SAMD4A: variants seen among roughly 807,000 people sequenced by gnomAD.
SAMD4A encodes protein Smaug homolog 1.
In SAMD4A, 33 loss-of-function variants were observed where a neutral mutation model predicts 81.3. The ratio of observed to expected loss-of-function variants is 0.41; its 90% CI spans 0.31 to 0.54. The LOEUF (loss-of-function observed/expected upper bound fraction) is 0.54, where lower values mean the gene tolerates loss of function less well. Among genes scored for constraint, SAMD4A ranks in the 20% least tolerant of loss-of-function variants. The pLI, the probability that SAMD4A is intolerant of heterozygous loss-of-function variation, is 0.37. For missense variants in SAMD4A, 854 were observed against 951.1 expected, an observed-to-expected ratio of 0.90 and a Z score of 1.34; for synonymous variants, 389 against 382.1, an observed-to-expected ratio of 1.02 and a Z score of -0.21.
chr14:54,711,748 G>T (rs2036994321), intron 3 of SAMD4A, among the ~76,000 whole-genome samples: 1 of 151,944 alleles, frequency 6.6e-6, no homozygotes, highest in South Asian at 2.1e-4. Context: ...TGGCTGCTAG[G>T]CCTCATAGAG....
chr14:54,727,166 CTTTTTTTTTTTTTTTTTTTTTTTTTTTT>C (rs567831973), intron 3 of SAMD4A, among the ~76,000 whole-genome samples: 77 of 59,186 alleles, frequency 1.3e-3, no homozygotes, highest in African/African-American at 3.8e-3. Flanking sequence ...TCTTTTTTTC[CTTTTTTTTTTTTTTTTTTTTTTTTTTTT>C]TTTTTTTTTT....
chr14:54,766,115 C>A (rs2038535273), intron 8 of SAMD4A, among the ~76,000 whole-genome samples: 1 of 152,114 alleles, frequency 6.6e-6, no homozygotes, highest in African/African-American at 2.4e-5. Flanking sequence ...TTCCCTAGAG[C>A]ACCCAGGCAT....
chr14:54,710,634 C>T lies in SAMD4A; in HGVS notation c.715+8054C>T, dbSNP rs539071165. Reference sequence around the variant, plus strand: ...GACCCTGGATTTGGCCCCATACAGACCCTCCAGCTTCCGTGGTCTCCACAG... The same window carrying T: ...GACCCTGGATTTGGCCCCATACAGATCCTCCAGCTTCCGTGGTCTCCACAG... On this transcript the variant is annotated intron_variant, in intron 3 of 12. Coordinates refer to ENST00000554335, the MANE Select transcript of SAMD4A (RefSeq NM_015589.6). Among the ~76,000 whole-genome samples the T allele has an allele frequency of 1.1e-4, 16 of 152,256 alleles. No homozygotes were observed. In the South Asian group the frequency reaches 1.5e-3, roughly 14 times the overall value.
At position 54,685,277 on chromosome 14, in the gene SAMD4A, C is replaced by CT. The variant is rs1555343088; in HGVS notation, c.197-16785_197-16784insT. On this transcript the variant is annotated intron_variant, in intron 2 of 12. Transcript: ENST00000554335. ...ACAATAACTCCCCATTCTTCCTGCCCCCCCCCCCAGCTCCTGGCAGCCACC... is the reference window on the plus strand; with the variant it reads ...ACAATAACTCCCCATTCTTCCTGCCCTCCCCCCCCAGCTCCTGGCAGCCACC... 1.9e-3 allele frequency among the ~76,000 whole-genome samples: 286 copies of CT among 147,170 alleles called. 8 individuals are homozygous for CT. In the South Asian group the frequency reaches 0.035, roughly 18 times the overall value.
At chr14:54,719,529 T>G (rs1244032969) in intron 3 of SAMD4A, among the ~76,000 whole-genome samples, 8 of 152,140 alleles carry the variant, frequency 5.3e-5, no homozygotes, top group Non-Finnish European at 1.2e-4. Flanking sequence ...AACATTCCCT[T>G]CTTTGTGACA....
intron 7 of SAMD4A, among the ~76,000 whole-genome samples, chr14:54,763,576 G>A (rs949668383): frequency 2.0e-5 from 3 of 152,152 alleles, no homozygotes; most frequent in Non-Finnish European, 4.4e-5. Flanking sequence ...AGAAATAAAT[G>A]GGATTGTGTG....
intron 2 of SAMD4A, among the ~76,000 whole-genome samples, chr14:54,699,567 A>G (rs1022389185): frequency 1.3e-5 from 2 of 152,216 alleles, no homozygotes; most frequent in Non-Finnish European, 2.9e-5. Context: ...CTTTTAAAAG[A>G]TTTTTAAGAC....
chr14:54,668,497 T>C (rs2035802198), intron 2 of SAMD4A, among the ~76,000 whole-genome samples: 1 of 152,222 alleles, frequency 6.6e-6, no homozygotes, highest in African/African-American at 2.4e-5. Context: ...AATGACAGTA[T>C]TGGGACCAGC....
At chr14:54,643,246 C>A (rs1207787504) in intron 2 of SAMD4A, among the ~76,000 whole-genome samples, 1 of 152,172 alleles carries the variant, frequency 6.6e-6, no homozygotes, top group Non-Finnish European at 1.5e-5. Flanking sequence ...AAGCATACAC[C>A]TTTCCAAATG....
chr14:54,611,351 C>T (rs1283923022), intron 2 of SAMD4A, among the ~76,000 whole-genome samples: 1 of 152,168 alleles, frequency 6.6e-6, no homozygotes. Flanking sequence ...ATGAGCAACA[C>T]TCAGGACACC....
At chr14:54,755,184 A>G (rs2038206172) in intron 6 of SAMD4A, among the ~76,000 whole-genome samples, 1 of 152,138 alleles carries the variant, frequency 6.6e-6, no homozygotes, top group Non-Finnish European at 1.5e-5. Context: ...GATCATTTAG[A>G]GGGAGTCTGG....
At chr14:54,605,728 T>C (rs894324094) in intron 2 of SAMD4A, among the ~76,000 whole-genome samples, 3 of 152,166 alleles carry the variant, frequency 2.0e-5, no homozygotes, top group African/African-American at 7.2e-5. Flanking sequence ...TTGTAATTAA[T>C]GTTGTCATAA....
chr14:54,579,507 T>A (rs960833239), intron 2 of SAMD4A, among the ~76,000 whole-genome samples: 1 of 152,244 alleles, frequency 6.6e-6, no homozygotes, highest in Non-Finnish European at 1.5e-5. Flanking sequence ...AAAACATGTA[T>A]TTTTAATGGT....
At chr14:54,742,669 A>G (rs1004814479) in intron 4 of SAMD4A, among the ~76,000 whole-genome samples, 1 of 152,158 alleles carries the variant, frequency 6.6e-6, no homozygotes, top group African/African-American at 2.4e-5. Flanking sequence ...TCTTGCTGCG[A>G]GCTTCAGCCT....
At chr14:54,640,170 T>C (rs1254045937) in intron 2 of SAMD4A, among the ~76,000 whole-genome samples, 1 of 152,150 alleles carries the variant, frequency 6.6e-6, no homozygotes, top group Non-Finnish European at 1.5e-5. Context: ...ACCAGGCCTT[T>C]ACTCTTTCCC....
intron 2 of SAMD4A, among the ~76,000 whole-genome samples, chr14:54,622,332 C>T (rs17127675): frequency 0.028 from 4,211 of 152,154 alleles, 192 homozygotes; most frequent in African/African-American, 0.097. Flanking sequence ...AACCAGGCAA[C>T]GAATGGAGGG....
At chr14:54,776,628 C>A in intron 11 of SAMD4A, 88 bp downstream of exon 11, 1 of 1,338,072 alleles carries the variant, frequency 7.5e-7, no homozygotes, top group African/African-American at 1.5e-5. Flanking sequence ...TGCTTAGCCT[C>A]GACTGTCACC....
At chr14:54,702,780 T>G (rs757835013) in intron 3 of SAMD4A, 200 bp downstream of exon 3, 14 of 617,034 alleles carry the variant, frequency 2.3e-5, no homozygotes, top group Non-Finnish European at 3.0e-5. Context: ...CTTGGGAAGG[T>G]AAAAGTGACT....
chr14:54,567,041 G>T, upstream of SAMD4A: 1 of 152,668 alleles, frequency 6.6e-6, no homozygotes, highest in Non-Finnish European at 1.5e-5. Context: ...GGAGGAGGAG[G>T]AGTAAGAGGA....
Sources: allele counts gnomAD v4.1 joint callset (sites outside exome capture counted in the v4.1 genomes callset), GRCh38; gene constraint gnomAD v4.1.1; transcripts MANE v1.5; gene names NCBI Gene and HGNC (gene_info 2026-07-23, HGNC 2026-07-21).